The following SEMA6D variants were observed in gnomAD, a reference collection of about 807,000 sequenced individuals.
SEMA6D encodes the protein semaphorin 6D.
In SEMA6D, 35 loss-of-function variants were observed where a neutral mutation model predicts 106.6. That is an observed-to-expected ratio of 0.33 (90% CI 0.25 to 0.44). The LOEUF (loss-of-function observed/expected upper bound fraction) is 0.44, where lower values mean the gene tolerates loss of function less well. Ranked by LOEUF, SEMA6D falls within the 20% of genes least tolerant of loss-of-function variation. The pLI is 1.00. For synonymous variants in SEMA6D, 499 were observed against 487.7 expected (o/e 1.02, Z -0.31); for missense variants, 1,185 against 1,345.9 (o/e 0.88, Z 1.87).
At chr15:47,371,919 T>C (rs371837021) in intron 1 of SEMA6D, among the ~76,000 whole-genome samples, 2 of 152,208 alleles carry the variant, frequency 1.3e-5, no homozygotes, top group African/African-American at 4.8e-5. Context: ...TTTCCCCGTT[T>C]ATAGATGAGG....
intron 3 of SEMA6D, among the ~76,000 whole-genome samples, chr15:47,586,217 T>C (rs960854445): frequency 3.9e-5 from 6 of 152,220 alleles, no homozygotes; most frequent in African/African-American, 1.4e-4. Flanking sequence ...TAGATGTATT[T>C]TCATGATGTA....
chr15:47,340,130 G>A (rs553233034), intron 1 of SEMA6D, among the ~76,000 whole-genome samples: 2 of 152,294 alleles, frequency 1.3e-5, no homozygotes, highest in East Asian at 1.9e-4. Context: ...GGCATGCTTG[G>A]CAGTTTTGAA....
intron 3 of SEMA6D, among the ~76,000 whole-genome samples, chr15:47,544,850 A>G (rs1255711928): frequency 6.6e-6 from 1 of 152,102 alleles, no homozygotes; most frequent in Non-Finnish European, 1.5e-5. Flanking sequence ...AGCCTAAAGC[A>G]AGTATTTTTT....
At chr15:47,667,987 C>G (rs2078061506) in intron 4 of SEMA6D, among the ~76,000 whole-genome samples, 3 of 152,266 alleles carry the variant, frequency 2.0e-5, no homozygotes, top group Admixed American at 2.0e-4. Flanking sequence ...TCTGTTCATT[C>G]TCTGAATGAA....
intron 1 of SEMA6D, among the ~76,000 whole-genome samples, chr15:47,230,777 C>G (rs1011947535): frequency 1.6e-4 from 24 of 151,992 alleles, no homozygotes; most frequent in African/African-American, 5.6e-4. Context: ...GTGAGGCCAA[C>G]AATCTAGGTT....
chr15:47,552,242 A>G (rs1207066044), intron 3 of SEMA6D, among the ~76,000 whole-genome samples: 3 of 152,100 alleles, frequency 2.0e-5, no homozygotes, highest in African/African-American at 7.2e-5. Flanking sequence ...TAAAATACTG[A>G]GGAAAACCAC....
chr15:47,196,025 A>ATT (rs11432969), intron 1 of SEMA6D, among the ~76,000 whole-genome samples: 36,669 of 147,004 alleles, frequency 0.25, 5,259 homozygotes, highest in Non-Finnish European at 0.32. Flanking sequence ...AAAGTTTCAG[A>ATT]TTTTTTTTTT....
chr15:47,228,376 A>T (rs561438611), intron 1 of SEMA6D, among the ~76,000 whole-genome samples: 1 of 152,018 alleles, frequency 6.6e-6, no homozygotes, highest in East Asian at 1.9e-4. Context: ...GGGTTAATCT[A>T]TGAGGACTTA....
At chr15:47,592,386 G>T (rs1046589149) in intron 3 of SEMA6D, among the ~76,000 whole-genome samples, 2 of 152,106 alleles carry the variant, frequency 1.3e-5, no homozygotes, top group Non-Finnish European at 2.9e-5. Context: ...GAATTTTTCA[G>T]ACTCAGACTG....
chr15:47,691,750 A>G (rs1404537578), intron 4 of SEMA6D, among the ~76,000 whole-genome samples: 1 of 152,056 alleles, frequency 6.6e-6, no homozygotes, highest in Non-Finnish European at 1.5e-5. Flanking sequence ...TCATTCATTT[A>G]TTCAAAAAAA....
intron 1 of SEMA6D, chr15:47,730,381 C>T: frequency 1.4e-6 from 2 of 1,450,012 alleles, no homozygotes. Flanking sequence ...CCAGTCTTGC[C>T]TTCCCCTTGA....
intron 1 of SEMA6D, among the ~76,000 whole-genome samples, chr15:47,350,530 C>G (rs920832671): frequency 1.3e-5 from 2 of 152,162 alleles, no homozygotes; most frequent in African/African-American, 4.8e-5. Context: ...CTGTCCCTTT[C>G]TACCAGCTGT....
chr15:47,539,575 C>T (rs186786743), intron 3 of SEMA6D, among the ~76,000 whole-genome samples: 8 of 152,178 alleles, frequency 5.3e-5, no homozygotes, highest in African/African-American at 1.7e-4. Context: ...CAGGCAAGCA[C>T]CACCACACCC....
intron 1 of SEMA6D, among the ~76,000 whole-genome samples, chr15:47,370,704 A>T (rs971538658): frequency 6.6e-5 from 10 of 150,422 alleles, no homozygotes; most frequent in Non-Finnish European, 1.2e-4. Context: ...AAAAAAAAAA[A>T]AAAAAATTTG....
At chr15:47,283,941 T>G (rs1251940852) in intron 1 of SEMA6D, among the ~76,000 whole-genome samples, 2 of 152,200 alleles carry the variant, frequency 1.3e-5, no homozygotes, top group Non-Finnish European at 2.9e-5. Context: ...CCTCCATTTC[T>G]ATTTGACCTT....
At chr15:47,622,964 A>G (rs1400977467) in intron 4 of SEMA6D, among the ~76,000 whole-genome samples, 1 of 151,376 alleles carries the variant, frequency 6.6e-6, no homozygotes, top group Non-Finnish European at 1.5e-5. Flanking sequence ...AGTGCATGGA[A>G]TCAGTAGGAA....
intron 4 of SEMA6D, among the ~76,000 whole-genome samples, chr15:47,651,422 A>T (rs1596535815): frequency 6.6e-6 from 1 of 152,192 alleles, no homozygotes; most frequent in Non-Finnish European, 1.5e-5. Flanking sequence ...AAAACTAGTA[A>T]ACTTCTGTTA....
At chr15:47,552,212 A>C (rs2045716807) in intron 3 of SEMA6D, among the ~76,000 whole-genome samples, 1 of 152,144 alleles carries the variant, frequency 6.6e-6, no homozygotes, top group Non-Finnish European at 1.5e-5. Context: ...TCTATGTAGC[A>C]ATACTAAAAA....
chr15:47,766,192 C>T lies in SEMA6D; in HGVS notation c.1646+10C>T, dbSNP rs1320279162. ...TGACCCCAGGGATGCTGTAAGTATA[C>T]TTTGTCACATGAGCTAGGATGAACT... On this transcript the variant is annotated intron_variant, in intron 15 of 18. Transcript: ENST00000536845. 7 of 1,609,862 alleles carry T rather than the reference C, an allele frequency of 4.3e-6. No homozygotes were observed. Among genetic ancestry groups the T allele is most frequent in the Non-Finnish European group, 5.9e-6 (7 of 1,176,652 alleles).
Sources: allele counts gnomAD v4.1 joint callset (sites outside exome capture counted in the v4.1 genomes callset), GRCh38; gene constraint gnomAD v4.1.1; transcripts MANE v1.5; gene names NCBI Gene and HGNC (gene_info 2026-07-23, HGNC 2026-07-21).